BCLAF1: variants seen among roughly 807,000 people sequenced by gnomAD.
BCLAF1 encodes bcl-2-associated transcription factor 1.
BCLAF1 carries 10 observed loss-of-function variants against 99.5 expected under a neutral mutation model. The observed-to-expected ratio is 0.10, with a 90% CI of 0.06 to 0.17. The LOEUF (loss-of-function observed/expected upper bound fraction) is 0.17. Among genes scored for constraint, BCLAF1 ranks in the 10% least tolerant of loss-of-function variants. The pLI is 1.00. For missense variants in BCLAF1, 636 were observed against 1,105.8 expected (o/e 0.58, Z 6.02); for synonymous variants, 255 against 370.9 (o/e 0.69, Z 3.59).
intron 9 of BCLAF1, 54 bp downstream of exon 9, chr6:136,269,383 T>C (rs1782182308): frequency 6.3e-7 from 1 of 1,580,110 alleles, no homozygotes; most frequent in Non-Finnish European, 8.6e-7. Context: ...AAGCTGACAA[T>C]TATTAAAGGC....
rs1245163555 is a variant in BCLAF1, at chr6:136,256,986, C to T, written c.*4124G>A. On this transcript the variant is annotated 3_prime_UTR_variant, in exon 13 of 13. Coordinates refer to ENST00000531224, the MANE Select transcript of BCLAF1 (RefSeq NM_014739.3). ...TATAAATCATTTCACACCACCTAAA[C>T]ATACAGTGTAGCTATGATCATGTAC... is the stretch of plus-strand genomic sequence containing the variant. The T allele has an allele frequency of 6.6e-6, 1 of 152,194 alleles. No individual in the cohort carries two copies. Among genetic ancestry groups the T allele is most frequent in the Admixed American group, 6.5e-5 (1 of 15,286 alleles). 9.4% of individuals were successfully genotyped at this position (152,194 alleles called of 1,614,324 possible). A position where few individuals can be genotyped will look rare whatever the true frequency, so the allele number is the denominator to read the frequency against.
At position 136,261,313 on chromosome 6, in the gene BCLAF1, C is replaced by A; in HGVS notation, c.2709G>T (p.Glu903Asp). 1 of 1,613,762 alleles carries A rather than the reference C, an allele frequency of 6.2e-7. No individual in the cohort carries two copies. The highest frequency in any genetic ancestry group is 8.5e-7 in the Non-Finnish European group (1 of 1,179,836). ...TCTTTTCTTCATTATTTTCCATGGT[C>A]TCTTCTTCATCTTCAACAATCCCAT... ...QGDGIVEDEE[E>D]TMENNEEKKD... is the part of the protein sequence containing the mutation. The change falls in exon 12 of 13, where the codon GAG (glutamate) becomes GAT (aspartate). Residue 903 changes from glutamate (E) to aspartate (D), a missense_variant. Glu to Asp is a conservative substitution (Grantham distance 45). Transcript: ENST00000531224.
At chr6:136,285,288 T>C (rs1330002290) in intron 1 of BCLAF1, among the ~76,000 whole-genome samples, 1 of 152,098 alleles carries the variant, frequency 6.6e-6, no homozygotes, top group African/African-American at 2.4e-5. Context: ...TGTTAATGGA[T>C]TGTTAGGGGT....
chr6:136,275,419 T>C (rs1181963244), intron 6 of BCLAF1, 113 bp downstream of exon 6: 5 of 1,034,534 alleles, frequency 4.8e-6, no homozygotes, highest in South Asian at 2.6e-5. Context: ...TTTAATAATA[T>C]TGGATGTATA....
rs757386861 is a variant in BCLAF1, at chr6:136,276,044, G to C, written c.1481C>G (p.Thr494Ser). The change falls in exon 5 of 13, where the codon ACT becomes AGT. Residue 494 changes from threonine to serine, a missense_variant. Transcript: ENST00000531224. ...NSERITVKKE[T>S]QSPEQVKSEK... The stretch of plus-strand genomic sequence containing the variant: ...AGACTTTACCTGCTCAGGTGACTGA[G>C]TTTCTTTCTTTACTGTTATTCTTTC... 1 of 1,605,374 alleles carries C rather than the reference G, an allele frequency of 6.2e-7. No individual in the cohort carries two copies. The highest frequency in any genetic ancestry group is 1.7e-4 in the Middle Eastern group (1 of 5,994).
rs1267012499 is a variant in BCLAF1, at chr6:136,279,805, G to C, written c.62C>G (p.Ser21Cys). 1.9e-6 allele frequency: 3 copies of C among 1,580,742 alleles called. No individual in the cohort carries two copies. The highest frequency in any genetic ancestry group is 1.7e-5 in the Admixed American group (1 of 58,016). Residue 21 changes from serine (S) to cysteine (C), a missense_variant, in exon 3 of 13, where the codon TCT (serine) becomes TGT (cysteine). Physicochemically the swap from Ser to Cys is moderately radical, Grantham distance 112 (BLOSUM62 -1). Transcript: ENST00000531224. ...SRSKSRSQSS[S>C]RSRSRSHSRK... ...AGAATGAGATCTTGATCTTGATCGA[G>C]AACTAGACTGTGATCTAGACTTTGA...
chr6:136,257,769 T>C lies in BCLAF1; in HGVS notation c.*3341A>G, dbSNP rs1161533578. 3.3e-5 allele frequency: 5 copies of C among 152,136 alleles called. No homozygotes were observed. Among genetic ancestry groups the C allele is most frequent in the East Asian group, 3.9e-4 (2 of 5,188 alleles). 9.4% of individuals were successfully genotyped at this position (152,136 alleles called of 1,614,324 possible). On this transcript the variant is annotated 3_prime_UTR_variant, in exon 13 of 13. Coordinates refer to ENST00000531224, the MANE Select transcript of BCLAF1 (RefSeq NM_014739.3). ...TGCCTTTCCTCTTCAACTCTGTAAA[T>C]TGAGAAAGGCCTCTGAACTTCTCTT...
chr6:136,261,057 A>T lies in BCLAF1; in HGVS notation c.*53T>A, dbSNP rs1780898323. 15 of 1,466,052 alleles carry T rather than the reference A, an allele frequency of 1.0e-5. No individual in the cohort carries two copies. The South Asian group carries it at 1.9e-4, about 18-fold the overall frequency. The allele number at this position is 1,466,052 out of a possible 1,614,324, so 90.8% of individuals were successfully genotyped here. ...TCTTATTTGAAAACAAAAATCAGGTAAAAAAAATGGTGGGTGCAAGTTCTG... is the reference window on the plus strand; with the variant it reads ...TCTTATTTGAAAACAAAAATCAGGTTAAAAAAATGGTGGGTGCAAGTTCTG... On this transcript the variant is annotated 3_prime_UTR_variant, in exon 13 of 13. Coordinates refer to ENST00000531224, the MANE Select transcript of BCLAF1 (RefSeq NM_014739.3).
At chr6:136,289,525 G>A (rs1785679318) in intron 1 of BCLAF1, among the ~76,000 whole-genome samples, 188 bp downstream of exon 1, 2 of 152,176 alleles carry the variant, frequency 1.3e-5, no homozygotes, top group African/African-American at 2.4e-5. Flanking sequence ...CCCCCGCCCG[G>A]CCTTTTCGGC....
chr6:136,277,810 G>A (rs1163439607), intron 4 of BCLAF1, 55 bp downstream of exon 4: 2 of 1,531,980 alleles, frequency 1.3e-6, no homozygotes. Flanking sequence ...ATTCCAAACA[G>A]AATTCAAAGA....
chr6:136,268,429 A>T, intron 9 of BCLAF1, 90 bp from the exon 10 acceptor site: 9 of 1,118,614 alleles, frequency 8.0e-6, no homozygotes, highest in Non-Finnish European at 1.2e-5. Context: ...TTTTCAAGTC[A>T]ACAACACTAT....
chr6:136,261,623 A>C, intron 11 of BCLAF1, 146 bp from the exon 12 acceptor site: 1 of 830,992 alleles, frequency 1.2e-6, no homozygotes, highest in Non-Finnish European at 1.8e-6. Flanking sequence ...AAAACCAGTA[A>C]AACTGAATTT....
In BCLAF1 at chr6:136,272,296, G is replaced by A. The variant is rs149877171; in HGVS notation, c.1959-217C>T. 1.1e-3 allele frequency among the ~76,000 whole-genome samples: 167 copies of A among 151,988 alleles called. 4 individuals are homozygous for A. In the East Asian group the frequency reaches 0.027, roughly 24 times the overall value. On this transcript the variant is annotated intron_variant, in intron 7 of 12. Transcript: ENST00000531224. ...CAACCAGATATTTTTATATAGAAGT[G>A]AAGTCTGGCCTTTAAAACATCAAAC...
chr6:136,271,758 AT>A (rs112079871), intron 8 of BCLAF1, among the ~76,000 whole-genome samples: 4,266 of 151,416 alleles, frequency 0.028, 139 homozygotes, highest in African/African-American at 0.08. Context: ...TCTTAGGACT[AT>A]TTTTTTTCCT....
Position 136,259,020 on chromosome 6 carries a change from A to G in BCLAF1, c.*2090T>C, listed in dbSNP as rs147473707. The G allele has an allele frequency of 1.3e-5, 2 of 152,446 alleles. No homozygotes were observed. The highest frequency in any genetic ancestry group is 2.9e-5 in the Non-Finnish European group (2 of 67,906). The allele number at this position is 152,446 out of a possible 1,614,324, so 9.4% of individuals were successfully genotyped here. The stretch of plus-strand genomic sequence containing the variant: ...TACCAAGAGGAACCATTCAACTTTT[A>G]TAATATCGTAAAGCGTGGAGTTAAG... On this transcript the variant is annotated 3_prime_UTR_variant, in exon 13 of 13. Transcript: ENST00000531224.
At chr6:136,268,120 AT>A in intron 10 of BCLAF1, 41 bp downstream of exon 10, 2 of 1,491,604 alleles carry the variant, frequency 1.3e-6, no homozygotes, top group South Asian at 2.8e-5. Context: ...GTACTCTAAG[AT>A]AAACTCCTAC....
Position 136,271,196 on chromosome 6 carries a change from T to C in BCLAF1, c.2043+799A>G, listed in dbSNP as rs185519608. On this transcript the variant is annotated intron_variant, in intron 8 of 12. Transcript: ENST00000531224. Reference sequence around the variant, plus strand: ...TAGAAAAGCAAGGTTCAAGAGGTTATTTTCCAAATATCATGTAGATAGTAC... The same window carrying C: ...TAGAAAAGCAAGGTTCAAGAGGTTACTTTCCAAATATCATGTAGATAGTAC... Among the ~76,000 whole-genome samples, 3 of 151,904 alleles carry C rather than the reference T, an allele frequency of 2.0e-5. No homozygotes were observed. The East Asian group carries it at 5.8e-4, about 29-fold the overall frequency.
intron 2 of BCLAF1, among the ~76,000 whole-genome samples, chr6:136,281,168 A>G (rs1223686223): frequency 1.3e-5 from 2 of 152,206 alleles, no homozygotes; most frequent in Non-Finnish European, 2.9e-5. Flanking sequence ...CTATCCTCTA[A>G]TAGACTACCA....
At chr6:136,274,289 C>A (rs1423058050) in intron 6 of BCLAF1, 12 of 286,930 alleles carry the variant, frequency 4.2e-5, no homozygotes, top group South Asian at 5.8e-5. Context: ...TGAAACATTA[C>A]TACAGTTCTT....
Sources: gnomAD v4.1 joint callset for allele counts (sites outside exome capture counted in the v4.1 genomes callset) on GRCh38, gnomAD v4.1.1 for gene constraint, MANE v1.5 for transcripts, NCBI Gene and HGNC (gene_info 2026-07-23, HGNC 2026-07-21) for gene names.